The following FRYL variants were observed in gnomAD, a reference collection of about 807,000 sequenced individuals.
FRYL encodes FRY like transcription coactivator, also known as protein furry homolog-like.
Under a neutral mutation model 351.2 loss-of-function variants are expected in FRYL, and 150 were observed. That is an observed-to-expected ratio of 0.43 (90% CI 0.37 to 0.49). The LOEUF (loss-of-function observed/expected upper bound fraction) is 0.49. FRYL is among the 20% of genes least tolerant of loss of function. The pLI, the probability that FRYL is intolerant of heterozygous loss-of-function variation, is 0.00. For synonymous variants in FRYL, 1,153 were observed against 1,257.1 expected, an observed-to-expected ratio of 0.92 and a Z score of 1.75; for missense variants, 3,036 against 3,619.3, an observed-to-expected ratio of 0.84 and a Z score of 4.13.
chr4:48,632,288 G>A (rs535557492), intron 4 of FRYL, among the ~76,000 whole-genome samples: 1 of 149,524 alleles, frequency 6.7e-6, no homozygotes, highest in Admixed American at 6.7e-5. Flanking sequence ...TGGGTCCTAA[G>A]TGTTCATTAT....
At chr4:48,588,605 C>A (rs1230026082) in intron 18 of FRYL, among the ~76,000 whole-genome samples, 1 of 152,162 alleles carries the variant, frequency 6.6e-6, no homozygotes, top group African/African-American at 2.4e-5. Context: ...TGCTTTCAAT[C>A]CACCAATTAG....
chr4:48,562,791 C>A, intron 32 of FRYL, 98 bp downstream of exon 32: 3 of 701,688 alleles, frequency 4.3e-6, no homozygotes, highest in South Asian at 3.5e-5. Flanking sequence ...ATAAATAAAG[C>A]TAAATACTAT....
chr4:48,586,680 C>A lies in FRYL; in HGVS notation c.1689G>T (p.Ala563=). The A allele has an allele frequency of 6.2e-7, 1 of 1,611,450 alleles. No individual in the cohort carries two copies. Among genetic ancestry groups the A allele is most frequent in the Non-Finnish European group, 8.5e-7 (1 of 1,178,998 alleles). Residue 563 remains alanine, a synonymous_variant, in exon 19 of 64, where the codon GCG becomes GCT. Transcript: ENST00000358350. ...KIDLFRTCIA[A]IPRLIPDGMS... is the part of the protein sequence containing the mutation. Reference sequence around the variant, plus strand: ...TACCGTCAGGAATCAACCTTGGAATCGCAGCAATACAAGTTCTAAACAAAT... The same window carrying A: ...TACCGTCAGGAATCAACCTTGGAATAGCAGCAATACAAGTTCTAAACAAAT...
intron 43 of FRYL, among the ~76,000 whole-genome samples, chr4:48,544,383 T>C (rs1456165982): frequency 6.6e-6 from 1 of 152,208 alleles, no homozygotes; most frequent in Non-Finnish European, 1.5e-5. Flanking sequence ...AAATGTCCCC[T>C]AGTTGAGAAC....
At chr4:48,586,366 G>A (rs1250143335) in intron 19 of FRYL, among the ~76,000 whole-genome samples, 1 of 151,920 alleles carries the variant, frequency 6.6e-6, no homozygotes. Flanking sequence ...AAGAATACTA[G>A]ATGGAAAAAT....
intron 1 of FRYL, among the ~76,000 whole-genome samples, chr4:48,741,244 T>C (rs1223843596): frequency 6.6e-6 from 1 of 151,802 alleles, no homozygotes; most frequent in African/African-American, 2.4e-5. Context: ...CTCATCTTTA[T>C]TAAAAAAATA....
In FRYL at chr4:48,557,484, A is replaced by G. The variant is rs1322176772; in HGVS notation, c.4094T>C (p.Val1365Ala). The G allele has an allele frequency of 1.2e-6, 2 of 1,614,008 alleles. No homozygotes were observed. Among genetic ancestry groups the G allele is most frequent in the African/African-American group, 2.7e-5 (2 of 74,898 alleles). ...TGTCATATACATCAGATTGTTCAAA[A>G]CCATTGCAGTGGCTTGTGGAGATCC... ...GWGSPQATAMVLNNLMYMTAK... is the reference protein window; with the variant it reads ...GWGSPQATAMALNNLMYMTAK... Residue 1365 changes from valine to alanine, a missense_variant, in exon 34 of 64, where the codon GTT (valine) becomes GCT (alanine). Physicochemically the swap from Val to Ala is moderately conservative, Grantham distance 64 (BLOSUM62 0). This residue lies in a region of FRYL where 1,987 missense variants were observed against 2,311.7 expected (regional missense o/e 0.86). Transcript: ENST00000358350.
intron 60 of FRYL, among the ~76,000 whole-genome samples, chr4:48,503,320 T>C (rs1720137421): frequency 6.6e-6 from 1 of 152,144 alleles, no homozygotes; most frequent in African/African-American, 2.4e-5. Flanking sequence ...CATCAAAAGA[T>C]TATCTCTAGG....
chr4:48,709,322 A>T (rs948166361), intron 2 of FRYL, among the ~76,000 whole-genome samples: 5 of 152,164 alleles, frequency 3.3e-5, no homozygotes, highest in Non-Finnish European at 7.4e-5. Flanking sequence ...GATGCTAGAC[A>T]CGTTAAGGAA....
intron 3 of FRYL, among the ~76,000 whole-genome samples, chr4:48,636,104 A>C (rs565892402): frequency 6.6e-6 from 1 of 152,280 alleles, no homozygotes; most frequent in African/African-American, 2.4e-5. Context: ...GTATTCTAGA[A>C]CGAAAATTAT....
In FRYL at chr4:48,501,699, T is replaced by C; in HGVS notation, c.8516A>G (p.His2839Arg). The change falls in exon 62 of 64, where the codon CAT becomes CGT. Residue 2839 changes from histidine to arginine, a missense_variant. Transcript: ENST00000358350. The part of the protein sequence containing the change: ...LELCRRLYKL[H>R]FQLLLLFQAY... ...CTGGAACAGAAGCAGCAATTGAAAA[T>C]GCAATTTGTATAATCTTCGGCAGAG... is the stretch of plus-strand genomic sequence containing the variant. 1 of 1,608,680 alleles carries C rather than the reference T, an allele frequency of 6.2e-7. No individual in the cohort carries two copies. Among genetic ancestry groups the C allele is most frequent in the Non-Finnish European group, 8.5e-7 (1 of 1,175,596 alleles).
chr4:48,598,833 A>C, intron 13 of FRYL: 1 of 984,244 alleles, frequency 1.0e-6, no homozygotes, highest in Non-Finnish European at 1.2e-6. Context: ...ACTCACCTGG[A>C]GTGTTTCTAT....
chr4:48,597,184 A>G (rs1428463301), intron 13 of FRYL, among the ~76,000 whole-genome samples: 1 of 152,178 alleles, frequency 6.6e-6, no homozygotes, highest in Non-Finnish European at 1.5e-5. Flanking sequence ...GAGAAAACAT[A>G]ATTTTCTTTT....
chr4:48,523,159 T>A, intron 53 of FRYL, 55 bp from the exon 54 acceptor site: 3 of 1,171,564 alleles, frequency 2.6e-6, no homozygotes, highest in Non-Finnish European at 3.8e-6. Context: ...CTAAATGTAC[T>A]AAATGTAATA....
intron 25 of FRYL, among the ~76,000 whole-genome samples, chr4:48,573,736 A>T (rs1336152413): frequency 6.6e-6 from 1 of 152,064 alleles, no homozygotes; most frequent in Admixed American, 6.5e-5. Context: ...TTTTTAGTAG[A>T]AACAGGGTTT....
At chr4:48,548,433 A>AT (rs1238641343) in intron 40 of FRYL, among the ~76,000 whole-genome samples, 1 of 152,136 alleles carries the variant, frequency 6.6e-6, no homozygotes, top group East Asian at 1.9e-4. Context: ...TTGGTATAGT[A>AT]TATGTGTGTT....
At chr4:48,661,919 T>C (rs571509193) in intron 3 of FRYL, among the ~76,000 whole-genome samples, 131 of 152,124 alleles carry the variant, frequency 8.6e-4, no homozygotes, top group African/African-American at 3.1e-3. Flanking sequence ...AAACACAGTA[T>C]CTAAAACAAT....
chr4:48,602,891 G>C (rs188613130), intron 12 of FRYL, among the ~76,000 whole-genome samples: 1 of 152,290 alleles, frequency 6.6e-6, no homozygotes, highest in African/African-American at 2.4e-5. Flanking sequence ...ACAGTAACAT[G>C]CTGTACAGGT....
chr4:48,626,250 A>C (rs1024751595), intron 4 of FRYL, among the ~76,000 whole-genome samples: 1 of 151,198 alleles, frequency 6.6e-6, no homozygotes, highest in Admixed American at 6.6e-5. Flanking sequence ...CTCTCTCTCT[A>C]TGTGTGTGTG....
Sources: gnomAD v4.1 joint callset for allele counts (sites outside exome capture counted in the v4.1 genomes callset) on GRCh38, gnomAD v4.1.1 for gene constraint, gnomAD v4.1.1 regional missense constraint, MANE v1.5 for transcripts, NCBI Gene and HGNC (gene_info 2026-07-23, HGNC 2026-07-21) for gene names.